Variants in ANO6 observed in about 807,000 individuals in gnomAD.
ANO6 encodes the protein anoctamin-6.
In ANO6, 106 loss-of-function variants were observed where a neutral mutation model predicts 117.5. That is an observed-to-expected ratio of 0.90 (90% CI 0.77 to 1.06). ANO6 has a LOEUF of 1.06. ANO6 is among the 50% of genes least tolerant of loss of function. ANO6 has a pLI of 0.00. For missense variants in ANO6, 955 were observed against 1,121.1 expected (o/e 0.85, Z 2.12); for synonymous variants, 367 against 385.1 (o/e 0.95, Z 0.55).
chr12:45,328,078 C>T (rs1940532564), intron 2 of ANO6, among the ~76,000 whole-genome samples: 1 of 152,082 alleles, frequency 6.6e-6, no homozygotes, highest in African/African-American at 2.4e-5. Flanking sequence ...ACACATTTGA[C>T]TCTAAAACAG....
At chr12:45,349,767 A>G (rs1414906388) in intron 6 of ANO6, among the ~76,000 whole-genome samples, 1 of 152,220 alleles carries the variant, frequency 6.6e-6, no homozygotes, top group Non-Finnish European at 1.5e-5. Flanking sequence ...CAATGTAGCC[A>G]TCCAGCCTGA....
At chr12:45,426,803 C>T (rs1943515150) in intron 19 of ANO6, among the ~76,000 whole-genome samples, 1 of 152,000 alleles carries the variant, frequency 6.6e-6, no homozygotes, top group Non-Finnish European at 1.5e-5. Flanking sequence ...TTTCTCTCTC[C>T]TTGGTCTGTT....
chr12:45,319,880 T>C (rs1231048004), intron 2 of ANO6, among the ~76,000 whole-genome samples: 2 of 152,250 alleles, frequency 1.3e-5, no homozygotes, highest in Non-Finnish European at 2.9e-5. Flanking sequence ...ATCCATTTCT[T>C]CTAGATTTTC....
intron 1 of ANO6, among the ~76,000 whole-genome samples, chr12:45,280,390 C>T (rs945912396): frequency 5.3e-5 from 8 of 152,118 alleles, no homozygotes; most frequent in African/African-American, 1.9e-4. Context: ...ACCCTGTGGC[C>T]TACAGACCAA....
chr12:45,243,973 C>A (rs1465294856), intron 1 of ANO6, among the ~76,000 whole-genome samples: 2 of 152,192 alleles, frequency 1.3e-5, no homozygotes, highest in African/African-American at 2.4e-5. Flanking sequence ...AATTGAAACT[C>A]ATTTTCTCAT....
At chr12:45,293,214 A>G (rs1939164549) in intron 1 of ANO6, among the ~76,000 whole-genome samples, 1 of 152,170 alleles carries the variant, frequency 6.6e-6, no homozygotes, top group African/African-American at 2.4e-5. Flanking sequence ...AATTAATTTC[A>G]TCATTTGTTT....
intron 3 of ANO6, among the ~76,000 whole-genome samples, chr12:45,334,015 T>TAA (rs1299417669): frequency 6.6e-5 from 10 of 152,110 alleles, no homozygotes; most frequent in African/African-American, 2.4e-4. Context: ...ACCAAAAACA[T>TAA]AGAGTATTTA....
At chr12:45,340,912 A>T (rs1940961950) in intron 3 of ANO6, among the ~76,000 whole-genome samples, 1 of 152,174 alleles carries the variant, frequency 6.6e-6, no homozygotes, top group African/African-American at 2.4e-5. Flanking sequence ...ATGCTAATTT[A>T]CTTTAGCTAC....
chr12:45,398,236 G>A (rs866673871), intron 12 of ANO6, among the ~76,000 whole-genome samples: 8 of 152,092 alleles, frequency 5.3e-5, no homozygotes, highest in African/African-American at 1.9e-4. Context: ...TAAAGAGACA[G>A]AACATTAATG....
intron 3 of ANO6, among the ~76,000 whole-genome samples, chr12:45,346,610 A>G (rs1477373227): frequency 6.6e-6 from 1 of 152,198 alleles, no homozygotes; most frequent in Non-Finnish European, 1.5e-5. Flanking sequence ...TATGGAAACC[A>G]AATTTTTAAA....
chr12:45,220,666 G>T lies in ANO6; in HGVS notation c.70+4275G>T, dbSNP rs117136616. 6.5e-3 allele frequency among the ~76,000 whole-genome samples: 996 copies of T among 152,286 alleles called. 28 individuals carry two copies. In the East Asian group the frequency reaches 0.091, roughly 14 times the overall value. On this transcript the variant is annotated intron_variant, in intron 1 of 19. Transcript: ENST00000320560. ...TATAAGGCATTCTTCCAGTTTCTTG[G>T]CATGCAACTCCTAAAACTTTTGGAA...
chr12:45,295,055 C>T (rs186459617), intron 1 of ANO6, among the ~76,000 whole-genome samples: 106 of 152,288 alleles, frequency 7.0e-4, no homozygotes, highest in African/African-American at 2.2e-3. Context: ...ACAGACTAAG[C>T]GTTAAGTGAG....
In ANO6 at chr12:45,292,349, T is replaced by TA. The variant is rs200145901; in HGVS notation, c.71-9664dup. 4.3e-3 allele frequency among the ~76,000 whole-genome samples: 661 copies of TA among 152,318 alleles called. 12 individuals are homozygous for TA. Among genetic ancestry groups the TA allele is most frequent in the Admixed American group, 0.035 (532 of 15,302 alleles). On this transcript the variant is annotated intron_variant, in intron 1 of 19. Coordinates refer to ENST00000320560, the MANE Select transcript of ANO6 (RefSeq NM_001025356.3). ...AAATGGGGAATTCGTGCTTAATGGT[T>TA]AGAGTTTCTGGGGTGATCAGAAACA...
intron 1 of ANO6, among the ~76,000 whole-genome samples, chr12:45,222,232 C>T (rs1002467171): frequency 3.9e-5 from 6 of 152,098 alleles, no homozygotes; most frequent in African/African-American, 1.4e-4. Context: ...TCAATATCAG[C>T]TCACTGCAAC....
chr12:45,409,413 C>A lies in ANO6; in HGVS notation c.1937C>A (p.Thr646Asn), dbSNP rs762486922. ...AGAGTTTCTGGATCAGAAAAGATAA[C>A]CCCACGATGGGAACAGGACTACCAT... The part of the protein sequence containing the change: ...FHRVSGSEKI[T>N]PRWEQDYHLQ... The change falls in exon 16 of 20, where the codon ACC (threonine) becomes AAC (asparagine). Residue 646 changes from threonine to asparagine, a missense_variant. Physicochemically the swap from Thr to Asn is moderately conservative, Grantham distance 65 (BLOSUM62 0). Transcript: ENST00000320560. 1.9e-6 allele frequency: 3 copies of A among 1,613,952 alleles called. No individual in the cohort carries two copies. The highest frequency in any genetic ancestry group is 2.5e-6 in the Non-Finnish European group (3 of 1,179,904).
At chr12:45,425,895 G>A (rs995665693) in intron 19 of ANO6, among the ~76,000 whole-genome samples, 4 of 152,194 alleles carry the variant, frequency 2.6e-5, no homozygotes, top group African/African-American at 9.7e-5. Flanking sequence ...TGATGGACAT[G>A]TTAATTTGTT....
At chr12:45,305,330 T>C (rs1226191684) in intron 2 of ANO6, among the ~76,000 whole-genome samples, 1 of 152,230 alleles carries the variant, frequency 6.6e-6, no homozygotes, top group Non-Finnish European at 1.5e-5. Context: ...GTTTTTTGTT[T>C]AAGCACAATG....
intron 2 of ANO6, among the ~76,000 whole-genome samples, chr12:45,317,412 G>A (rs1592956273): frequency 6.6e-6 from 1 of 151,012 alleles, no homozygotes; most frequent in African/African-American, 2.4e-5. Flanking sequence ...GAGAATGATG[G>A]TTTCCAGCTT....
intron 16 of ANO6, among the ~76,000 whole-genome samples, chr12:45,416,050 T>C (rs923004934): frequency 6.6e-6 from 1 of 152,196 alleles, no homozygotes. Context: ...CACTCAAATT[T>C]TGACTTATTA....
Sources: allele counts gnomAD v4.1 joint callset (sites outside exome capture counted in the v4.1 genomes callset), GRCh38; gene constraint gnomAD v4.1.1; transcripts MANE v1.5; gene names NCBI Gene and HGNC (gene_info 2026-07-23, HGNC 2026-07-21).